Variants in DLGAP2 observed in about 807,000 individuals in gnomAD.
DLGAP2 encodes disks large-associated protein 2.
In DLGAP2, 26 loss-of-function variants were observed where a neutral mutation model predicts 100.3. That is an observed-to-expected ratio of 0.26 (90% confidence interval 0.19 to 0.36). DLGAP2 has a LOEUF of 0.36. DLGAP2 is among the 10% of genes least tolerant of loss of function. The pLI, the probability that DLGAP2 is intolerant of heterozygous loss-of-function variation, is 1.00. For synonymous variants in DLGAP2, 886 were observed against 630.1 expected (o/e 1.41, Z -6.08); for missense variants, 1,858 against 1,453.2 (o/e 1.28, Z -4.53).
chr8:741,520 G>A (rs903330975), intron 1 of DLGAP2, among the ~76,000 whole-genome samples: 4 of 152,162 alleles, frequency 2.6e-5, no homozygotes, highest in Non-Finnish European at 4.4e-5. Context: ...CCGGTGATGG[G>A]TGTCCGCTGC....
chr8:1,094,418 C>A (rs546839534), intron 2 of DLGAP2, among the ~76,000 whole-genome samples: 1 of 152,208 alleles, frequency 6.6e-6, no homozygotes, highest in Non-Finnish European at 1.5e-5. Flanking sequence ...AAAACTGAGG[C>A]CTTCCTGTCA....
At chr8:1,203,224 A>C (rs1429023115) in intron 2 of DLGAP2, among the ~76,000 whole-genome samples, 1 of 151,986 alleles carries the variant, frequency 6.6e-6, no homozygotes, top group Non-Finnish European at 1.5e-5. Flanking sequence ...GTCCTGCAGC[A>C]CCCACCCCTC....
chr8:1,310,090 G>A (rs943021189), intron 3 of DLGAP2, among the ~76,000 whole-genome samples: 48 of 149,824 alleles, frequency 3.2e-4, no homozygotes, highest in Non-Finnish European at 5.5e-4. Flanking sequence ...TGAAACCTGC[G>A]ACAGCAAGGG....
intron 3 of DLGAP2, among the ~76,000 whole-genome samples, chr8:1,455,940 G>A (rs943983728): frequency 2.0e-5 from 3 of 152,196 alleles, no homozygotes; most frequent in African/African-American, 7.2e-5. Flanking sequence ...GGCTGGATCC[G>A]AGGCCCCCAG....
intron 2 of DLGAP2, chr8:1,104,983 G>A (rs566019820): frequency 2.0e-5 from 3 of 152,214 alleles, no homozygotes; most frequent in Non-Finnish European, 2.9e-5. Flanking sequence ...TGGAGCAGAG[G>A]AGGAGCAGTG....
At chr8:1,341,185 C>T (rs770968333) in intron 3 of DLGAP2, among the ~76,000 whole-genome samples, 7 of 152,146 alleles carry the variant, frequency 4.6e-5, no homozygotes, top group Non-Finnish European at 1.0e-4. Context: ...CCCCATGACA[C>T]AAGTTTACCT....
At chr8:749,941 C>T (rs1289828727) in intron 1 of DLGAP2, among the ~76,000 whole-genome samples, 1 of 152,190 alleles carries the variant, frequency 6.6e-6, no homozygotes, top group Non-Finnish European at 1.5e-5. Context: ...TCTGTCTCCA[C>T]GTGGCCTCCT....
chr8:779,496 C>T (rs1821629291), intron 1 of DLGAP2, among the ~76,000 whole-genome samples: 1 of 148,100 alleles, frequency 6.8e-6, no homozygotes, highest in Non-Finnish European at 1.5e-5. Flanking sequence ...CAGGGTCTTG[C>T]TCTGTCGCCC....
At chr8:982,231 A>G (rs1051172676) in intron 2 of DLGAP2, among the ~76,000 whole-genome samples, 1 of 152,200 alleles carries the variant, frequency 6.6e-6, no homozygotes, top group African/African-American at 2.4e-5. Context: ...TACCTAACCC[A>G]CGGGTGACCG....
chr8:993,724 A>G (rs954716969), intron 2 of DLGAP2, among the ~76,000 whole-genome samples: 2 of 148,920 alleles, frequency 1.3e-5, no homozygotes, highest in Non-Finnish European at 3.0e-5. Context: ...ATTTCAACAT[A>G]GTGGCCAGAG....
chr8:1,098,882 T>G (rs1207308707), intron 2 of DLGAP2, among the ~76,000 whole-genome samples: 3 of 152,150 alleles, frequency 2.0e-5, no homozygotes, highest in Non-Finnish European at 4.4e-5. Flanking sequence ...CGTCCTCACT[T>G]GCTTTGAACA....
In DLGAP2 at chr8:1,468,403, G is replaced by A. The variant is rs185766859; in HGVS notation, c.107-32963G>A. Among the ~76,000 whole-genome samples the A allele has an allele frequency of 1.2e-4, 18 of 148,162 alleles. No homozygotes were observed. In the East Asian group the frequency reaches 2.8e-3, roughly 23 times the overall value. On this transcript the variant is annotated intron_variant, in intron 3 of 14. Coordinates refer to ENST00000637795, the MANE Select transcript of DLGAP2 (RefSeq NM_001346810.2). ...TTCTGAGAACCTCGCCTGTTCACAC[G>A]GCGTGGATCCGGGCTGGTCCTGAGT...
chr8:1,494,045 G>T (rs917471294), intron 3 of DLGAP2, among the ~76,000 whole-genome samples: 76 of 151,814 alleles, frequency 5.0e-4, no homozygotes, highest in African/African-American at 1.7e-3. Flanking sequence ...TCTGCATCGG[G>T]GGGGGCAGTA....
At chr8:1,217,356 C>G (rs1478340503) in intron 2 of DLGAP2, among the ~76,000 whole-genome samples, 2 of 152,136 alleles carry the variant, frequency 1.3e-5, no homozygotes, top group Non-Finnish European at 2.9e-5. Flanking sequence ...CCTAGTTCAT[C>G]ATTGCTGGCC....
intron 3 of DLGAP2, among the ~76,000 whole-genome samples, chr8:1,452,612 A>T (rs1798194058): frequency 6.6e-6 from 1 of 152,132 alleles, no homozygotes; most frequent in African/African-American, 2.4e-5. Flanking sequence ...GGAAGAGGAG[A>T]TGGAGAATTC....
intron 1 of DLGAP2, among the ~76,000 whole-genome samples, chr8:884,623 C>G (rs1311785969): frequency 6.6e-6 from 1 of 152,026 alleles, no homozygotes; most frequent in Admixed American, 6.5e-5. Flanking sequence ...TCTGCACAAG[C>G]TCTTTAGTTT....
intron 2 of DLGAP2, among the ~76,000 whole-genome samples, chr8:1,165,745 G>A (rs1797002709): frequency 6.6e-6 from 1 of 151,924 alleles, no homozygotes. Context: ...TGCTCTTTCA[G>A]TTTTTCTTAG....
chr8:1,074,439 A>G (rs1803538814), intron 2 of DLGAP2, among the ~76,000 whole-genome samples: 1 of 152,244 alleles, frequency 6.6e-6, no homozygotes, highest in Admixed American at 6.5e-5. Flanking sequence ...CTCTGCCTAC[A>G]GTGTGTCCAG....
intron 1 of DLGAP2, among the ~76,000 whole-genome samples, chr8:786,683 C>T (rs990031949): frequency 2.0e-4 from 31 of 152,044 alleles, no homozygotes; most frequent in African/African-American, 6.3e-4. Flanking sequence ...TCGCTGCTGG[C>T]TGGGAGGGGT....
Sources: allele counts gnomAD v4.1 joint callset (sites outside exome capture counted in the v4.1 genomes callset), GRCh38; gene constraint gnomAD v4.1.1; transcripts MANE v1.5; gene names NCBI Gene and HGNC (gene_info 2026-07-23, HGNC 2026-07-21).